The following NCAM2 variants were observed in gnomAD, a reference collection of about 807,000 sequenced individuals.
The protein encoded by NCAM2 is N-CAM-2.
A neutral mutation model predicts 98.1 loss-of-function variants in NCAM2; 30 were observed. The observed-to-expected ratio is 0.31, with a 90% CI of 0.23 to 0.41. The LOEUF is 0.41. NCAM2 is among the 10% of genes least tolerant of loss of function. The pLI, the probability that NCAM2 is intolerant of heterozygous loss-of-function variation, is 1.00. For missense variants in NCAM2, 867 were observed against 1,005.8 expected (o/e 0.86, Z 1.87); for synonymous variants, 368 against 342.4 (o/e 1.07, Z -0.83).
intron 1 of NCAM2, among the ~76,000 whole-genome samples, chr21:21,159,735 C>T (rs78152241): frequency 1.0e-3 from 152 of 151,980 alleles, no homozygotes; most frequent in African/African-American, 3.4e-3. Flanking sequence ...TGTCATTAAG[C>T]AACACATGAT....
chr21:21,495,243 A>G (rs999226192), intron 15 of NCAM2, among the ~76,000 whole-genome samples: 1 of 151,978 alleles, frequency 6.6e-6, no homozygotes, highest in Admixed American at 6.6e-5. Context: ...TTCTATTTTT[A>G]AAATATACCA....
In NCAM2 at chr21:21,432,091, T is replaced by C. The variant is rs369165416; in HGVS notation, c.1481-17T>C. The C allele has an allele frequency of 1.7e-4, 268 of 1,608,178 alleles. No homozygotes were observed. Among genetic ancestry groups the C allele is most frequent in the African/African-American group, 1.3e-5 (1 of 74,768 alleles). Reference sequence around the variant, plus strand: ...CATTCCCTTGGTTATGTTTTCTTTATATTTCTTTGTCCATAGACGTGCCAT... The same window carrying C: ...CATTCCCTTGGTTATGTTTTCTTTACATTTCTTTGTCCATAGACGTGCCAT... On this transcript the variant is annotated splice_polypyrimidine_tract_variant and intron_variant, in intron 11 of 17. Transcript: ENST00000400546.
intron 1 of NCAM2, among the ~76,000 whole-genome samples, chr21:21,012,820 G>T (rs1380800004): frequency 6.6e-6 from 1 of 151,810 alleles, no homozygotes; most frequent in East Asian, 1.9e-4. Context: ...TAGGTAACTG[G>T]CAATATTTCA....
At chr21:21,363,548 G>T (rs925016364) in intron 8 of NCAM2, among the ~76,000 whole-genome samples, 2 of 151,918 alleles carry the variant, frequency 1.3e-5, no homozygotes, top group Admixed American at 1.3e-4. Flanking sequence ...TTTCTGCTTC[G>T]TGGGTCTTTA....
At chr21:21,173,764 G>C (rs997229405) in intron 1 of NCAM2, among the ~76,000 whole-genome samples, 3 of 152,010 alleles carry the variant, frequency 2.0e-5, no homozygotes, top group African/African-American at 7.3e-5. Flanking sequence ...TCCCAGATGC[G>C]CTGCAAACTG....
intron 12 of NCAM2, among the ~76,000 whole-genome samples, chr21:21,440,714 A>C (rs1390180097): frequency 6.6e-6 from 1 of 150,818 alleles, no homozygotes; most frequent in Non-Finnish European, 1.5e-5. Flanking sequence ...AAAAGAAAAG[A>C]AAAAACAGAG....
chr21:21,391,966 G>T (rs1293361373), intron 9 of NCAM2, among the ~76,000 whole-genome samples: 1 of 152,060 alleles, frequency 6.6e-6, no homozygotes, highest in Non-Finnish European at 1.5e-5. Context: ...TAAATTCAGG[G>T]GTACAAGTAC....
intron 12 of NCAM2, among the ~76,000 whole-genome samples, chr21:21,454,888 A>C (rs554506154): frequency 1.3e-5 from 2 of 151,920 alleles, no homozygotes; most frequent in Non-Finnish European, 2.9e-5. Flanking sequence ...TATAACAGAA[A>C]CAGGTTGCAC....
chr21:21,113,366 T>C (rs981365494), intron 1 of NCAM2, among the ~76,000 whole-genome samples: 1 of 151,706 alleles, frequency 6.6e-6, no homozygotes, highest in African/African-American at 2.4e-5. Context: ...AGAATGTCCG[T>C]CAAGAGGCAG....
chr21:21,386,529 C>G (rs2148120431), intron 9 of NCAM2, among the ~76,000 whole-genome samples: 1 of 152,172 alleles, frequency 6.6e-6, no homozygotes, highest in East Asian at 1.9e-4. Context: ...ATCTCTTCAT[C>G]CAGAAGATAA....
chr21:21,166,427 C>T (rs577223333), intron 1 of NCAM2, among the ~76,000 whole-genome samples: 2 of 151,638 alleles, frequency 1.3e-5, no homozygotes, highest in African/African-American at 4.8e-5. Context: ...AAGCTGGTCT[C>T]GAACCCCTGA....
At chr21:21,428,126 G>A (rs3787605) in intron 11 of NCAM2, among the ~76,000 whole-genome samples, 34,590 of 152,108 alleles carry the variant, frequency 0.23, 4,204 homozygotes, top group South Asian at 0.28. Flanking sequence ...TAGAGGTGAA[G>A]AGAAAGGGTA....
intron 1 of NCAM2, among the ~76,000 whole-genome samples, chr21:21,237,655 T>G (rs1254379191): frequency 6.6e-6 from 1 of 152,134 alleles, no homozygotes; most frequent in African/African-American, 2.4e-5. Flanking sequence ...AGGTTTACTG[T>G]TTTTCAAATT....
At chr21:21,303,638 G>A (rs2073794528) in intron 5 of NCAM2, among the ~76,000 whole-genome samples, 1 of 152,018 alleles carries the variant, frequency 6.6e-6, no homozygotes, top group African/African-American at 2.4e-5. Flanking sequence ...AGAGGTAATG[G>A]CTGGATCACA....
chr21:21,350,349 A>G (rs764430119), intron 8 of NCAM2, among the ~76,000 whole-genome samples: 2 of 152,166 alleles, frequency 1.3e-5, no homozygotes, highest in Non-Finnish European at 2.9e-5. Context: ...TAATAACTGT[A>G]ACTCACTAAC....
intron 4 of NCAM2, among the ~76,000 whole-genome samples, chr21:21,288,811 TA>T (rs2073191817): frequency 6.6e-6 from 1 of 152,058 alleles, no homozygotes; most frequent in Admixed American, 6.6e-5. Context: ...GATTCAAAAG[TA>T]AAATATAGAT....
chr21:21,426,324 A>G (rs2077213449), intron 11 of NCAM2, among the ~76,000 whole-genome samples: 1 of 152,212 alleles, frequency 6.6e-6, no homozygotes, highest in Non-Finnish European at 1.5e-5. Flanking sequence ...GTAAGCAATT[A>G]TGGTGACACT....
chr21:21,204,135 A>G (rs1007166067), intron 1 of NCAM2, among the ~76,000 whole-genome samples: 2 of 152,130 alleles, frequency 1.3e-5, no homozygotes, highest in Admixed American at 6.5e-5. Context: ...CAATTTTGAC[A>G]TAGGTGTATT....
chr21:21,227,938 G>A (rs190840852), intron 1 of NCAM2, among the ~76,000 whole-genome samples: 77 of 151,806 alleles, frequency 5.1e-4, no homozygotes, highest in Middle Eastern at 6.8e-3. Context: ...TACAACTAAT[G>A]ACTTTTAATG....
Sources: allele counts gnomAD v4.1 joint callset (sites outside exome capture counted in the v4.1 genomes callset), GRCh38; gene constraint gnomAD v4.1.1; transcripts MANE v1.5; gene names NCBI Gene and HGNC (gene_info 2026-07-23, HGNC 2026-07-21).